KCNMA1: variants seen among roughly 807,000 people sequenced by gnomAD.
The protein encoded by KCNMA1 is potassium calcium-activated channel subfamily M alpha 1.
Under a neutral mutation model 140.0 loss-of-function variants are expected in KCNMA1, and 29 were observed. That is an observed-to-expected ratio of 0.21 (90% CI 0.15 to 0.28). The LOEUF (loss-of-function observed/expected upper bound fraction) is 0.28, where lower values mean the gene tolerates loss of function less well. KCNMA1 is among the 10% of genes least tolerant of loss of function. The probability of loss-of-function intolerance (pLI) is 1.00; values close to 1 mark genes in which losing one functional copy is unlikely to be tolerated. For missense variants in KCNMA1, 880 were observed against 1,602.2 expected, an observed-to-expected ratio of 0.55 and a Z score of 7.70; for synonymous variants, 612 against 611.9, an observed-to-expected ratio of 1.00 and a Z score of 0.00.
intron 2 of KCNMA1, among the ~76,000 whole-genome samples, chr10:77,368,159 A>G (rs1182177718): frequency 6.6e-6 from 1 of 152,236 alleles, no homozygotes; most frequent in Non-Finnish European, 1.5e-5. Flanking sequence ...CATTCCCATT[A>G]GTAATGTCTG....
At chr10:76,995,788 C>G in intron 19 of KCNMA1, 1 of 424,554 alleles carries the variant, frequency 2.4e-6, no homozygotes, top group Non-Finnish European at 4.8e-6. Context: ...TGAGGCATGC[C>G]AACATCTTTT....
intron 25 of KCNMA1, chr10:76,903,974 AAG>A (rs2046707168): frequency 6.6e-6 from 1 of 152,212 alleles, no homozygotes; most frequent in African/African-American, 2.4e-5. Flanking sequence ...GTGTTCATGA[AAG>A]AGAGAAAGAG....
At chr10:77,072,905 A>G (rs1315553212) in intron 14 of KCNMA1, among the ~76,000 whole-genome samples, 192 bp downstream of exon 14, 2 of 152,222 alleles carry the variant, frequency 1.3e-5, no homozygotes, top group Non-Finnish European at 2.9e-5. Flanking sequence ...ATGGCCGTGG[A>G]TGTGCCAAAT....
chr10:77,031,248 A>G (rs760540614), intron 15 of KCNMA1, among the ~76,000 whole-genome samples: 7 of 152,230 alleles, frequency 4.6e-5, no homozygotes, highest in Non-Finnish European at 8.8e-5. Context: ...AATAGATGCC[A>G]ACAAGTGAAT....
chr10:77,392,124 A>G (rs1362768753), intron 2 of KCNMA1, among the ~76,000 whole-genome samples: 3 of 135,430 alleles, frequency 2.2e-5, no homozygotes, highest in Non-Finnish European at 4.8e-5. Flanking sequence ...GGAGGAATGG[A>G]ATGAGGCGAG....
chr10:77,175,642 A>G (rs1025651092), intron 5 of KCNMA1, among the ~76,000 whole-genome samples: 6 of 152,194 alleles, frequency 3.9e-5, no homozygotes, highest in Non-Finnish European at 8.8e-5. Flanking sequence ...TCAGAGAGGA[A>G]TTCATTCCAA....
downstream of KCNMA1, chr10:76,876,854 T>A (rs1443919996): frequency 6.6e-6 from 1 of 152,222 alleles, no homozygotes; most frequent in Non-Finnish European, 1.5e-5. Flanking sequence ...GAAGTTGACA[T>A]TACTCGCTCA....
rs544605617 is a variant in KCNMA1 at position 77,560,412 on chromosome 10, A to G, written c.378+76853T>C. On this transcript the variant is annotated intron_variant, in intron 1 of 27. Coordinates refer to ENST00000286628, the MANE Select transcript of KCNMA1 (RefSeq NM_001161352.2). ...TATTTCTTATTCTGGGTTTCAGGGG[A>G]AAAAGCTTTTGAAAGCCCCTGATCT... Among the ~76,000 whole-genome samples the G allele has an allele frequency of 2.6e-4, 40 of 152,310 alleles. No homozygotes were observed. In the South Asian group the frequency reaches 7.3e-3, roughly 28 times the overall value.
At chr10:77,461,042 G>T (rs757368821) in intron 1 of KCNMA1, among the ~76,000 whole-genome samples, 1 of 152,040 alleles carries the variant, frequency 6.6e-6, no homozygotes, top group Non-Finnish European at 1.5e-5. Flanking sequence ...GGAGGCAGAG[G>T]TTGCAGTAAG....
At chr10:76,992,554 G>A (rs1022203740) in intron 19 of KCNMA1, among the ~76,000 whole-genome samples, 3 of 152,166 alleles carry the variant, frequency 2.0e-5, no homozygotes, top group Admixed American at 2.0e-4. Context: ...AGAGAGAGAA[G>A]GACAACACAC....
intron 1 of KCNMA1, among the ~76,000 whole-genome samples, chr10:77,435,806 T>C (rs1603618962): frequency 6.6e-6 from 1 of 152,326 alleles, no homozygotes; most frequent in Non-Finnish European, 1.5e-5. Flanking sequence ...TTATATCCTA[T>C]GGTCTTCGGG....
In KCNMA1 at chr10:76,989,486, T is replaced by C. The variant is rs533907736; in HGVS notation, c.2266+11921A>G. Among the ~76,000 whole-genome samples, 8 of 152,272 alleles carry C rather than the reference T, an allele frequency of 5.3e-5. 1 individual carries two copies. The East Asian group carries it at 1.5e-3, about 29-fold the overall frequency. On this transcript the variant is annotated intron_variant, in intron 19 of 27. Transcript: ENST00000286628. ...CCTTTCTCAATCAGAAGAAGGAAGA[T>C]AATCAGAGTCTCAGAGTTTAAAGGA...
chr10:77,546,831 G>A (rs1378114697), intron 1 of KCNMA1, among the ~76,000 whole-genome samples: 1 of 152,172 alleles, frequency 6.6e-6, no homozygotes, highest in East Asian at 1.9e-4. Context: ...CTGGAGTTCT[G>A]TTTTCCCTTC....
chr10:77,064,896 T>A (rs1442051689), intron 14 of KCNMA1, among the ~76,000 whole-genome samples: 1 of 152,238 alleles, frequency 6.6e-6, no homozygotes, highest in African/African-American at 2.4e-5. Flanking sequence ...CTAACCAGCC[T>A]CTGCACAATC....
intron 9 of KCNMA1, among the ~76,000 whole-genome samples, chr10:77,107,505 C>T (rs2097220097): frequency 6.6e-6 from 1 of 152,196 alleles, no homozygotes; most frequent in South Asian, 2.1e-4. Flanking sequence ...AGGATGGCTG[C>T]TGCCAGCCCC....
At position 76,887,604 on chromosome 10, in the gene KCNMA1, C is replaced by T. The variant is rs2151717241; in HGVS notation, c.3462-89G>A. ...TGAACCAAAAGCAATGGCCTGGTTA[C>T]TCAGGACTTTCAGAGGATCTGGAAG... On this transcript the variant is annotated intron_variant, in intron 27 of 27. Coordinates refer to ENST00000286628, the MANE Select transcript of KCNMA1 (RefSeq NM_001161352.2). 5.4e-6 allele frequency: 8 copies of T among 1,473,502 alleles called. No individual in the cohort carries two copies. In the South Asian group the frequency reaches 8.1e-5, roughly 15 times the overall value. The allele number at this position is 1,473,502 out of a possible 1,614,324, so 91.3% of individuals were successfully genotyped here. A position where few individuals can be genotyped will look rare whatever the true frequency, so the allele number is the denominator to read the frequency against.
chr10:77,013,516 G>A (rs182634117), intron 17 of KCNMA1, among the ~76,000 whole-genome samples: 5 of 152,290 alleles, frequency 3.3e-5, no homozygotes, highest in Admixed American at 2.0e-4. Flanking sequence ...CCTTGGCACA[G>A]GAAGAACAGG....
intron 5 of KCNMA1, among the ~76,000 whole-genome samples, chr10:77,177,344 T>G (rs2098760281): frequency 6.6e-6 from 1 of 150,626 alleles, no homozygotes; most frequent in South Asian, 2.1e-4. Flanking sequence ...CTTCCTTTCT[T>G]CCTTCCTTTC....
chr10:76,882,654 T>C (rs979797525), downstream of KCNMA1, among the ~76,000 whole-genome samples: 5 of 152,238 alleles, frequency 3.3e-5, no homozygotes, highest in Admixed American at 6.5e-5. Context: ...TAACTGAAAG[T>C]CTGATGCTGC....
Sources: gnomAD v4.1 joint callset for allele counts (sites outside exome capture counted in the v4.1 genomes callset) on GRCh38, gnomAD v4.1.1 for gene constraint, MANE v1.5 for transcripts, NCBI Gene and HGNC (gene_info 2026-07-23, HGNC 2026-07-21) for gene names.